Variants in PDE1C observed in about 807,000 individuals in gnomAD.
PDE1C encodes dual specificity calcium/calmodulin-dependent 3',5'-cyclic nucleotide phosphodiesterase 1C.
PDE1C carries 62 observed loss-of-function variants against 93.1 expected under a neutral mutation model. That is an observed-to-expected ratio of 0.67 (90% CI 0.54 to 0.82). PDE1C has a LOEUF of 0.82. PDE1C is among the 40% of genes least tolerant of loss of function. The pLI, the probability that PDE1C is intolerant of heterozygous loss-of-function variation, is 0.00. For synonymous variants in PDE1C, 325 were observed against 310.1 expected (o/e 1.05, Z -0.50); for missense variants, 742 against 884.6 (o/e 0.84, Z 2.04).
chr7:31,852,309 G>A (rs1029678182), intron 7 of PDE1C, among the ~76,000 whole-genome samples: 1 of 152,134 alleles, frequency 6.6e-6, no homozygotes. Context: ...TGAAATGTCA[G>A]GAAGCTTTCT....
intron 2 of PDE1C, among the ~76,000 whole-genome samples, chr7:31,883,851 A>G (rs1470862217): frequency 6.6e-6 from 1 of 152,258 alleles, no homozygotes; most frequent in Non-Finnish European, 1.5e-5. Flanking sequence ...AAAATCAGCC[A>G]TTCAGAGGCT....
chr7:32,109,076 A>T (rs1387395546), intron 3 of PDE1C, among the ~76,000 whole-genome samples: 2 of 152,206 alleles, frequency 1.3e-5, no homozygotes, highest in African/African-American at 2.4e-5. Context: ...GAAGCTCGGC[A>T]TTCAGGTACA....
At chr7:32,289,623 A>C (rs1400558514) in intron 1 of PDE1C, among the ~76,000 whole-genome samples, 1 of 152,198 alleles carries the variant, frequency 6.6e-6, no homozygotes, top group African/African-American at 2.4e-5. Context: ...AAACCAAAAA[A>C]AAAATTAAGC....
the PDE1C span, among the ~76,000 whole-genome samples, chr7:31,693,828 A>AGAGAAGGG: frequency 6.6e-6 from 1 of 152,238 alleles, no homozygotes; most frequent in Non-Finnish European, 1.5e-5. Flanking sequence ...AGAGAGAAGG[A>AGAGAAGGG]AGAGAAGGAA....
chr7:31,669,895 AC>A, the PDE1C span, among the ~76,000 whole-genome samples: 1 of 152,282 alleles, frequency 6.6e-6, no homozygotes, highest in Admixed American at 6.5e-5. Context: ...TCTAACCCCT[AC>A]CCTTTGAGTT....
upstream of PDE1C, among the ~76,000 whole-genome samples, chr7:32,075,719 G>A (rs563822551): frequency 7.9e-5 from 12 of 152,268 alleles, no homozygotes; most frequent in South Asian, 2.3e-3. Flanking sequence ...CCAGAGAAGT[G>A]AGAAGACAAA....
chr7:32,040,865 C>G (rs975254565), intron 2 of PDE1C, among the ~76,000 whole-genome samples: 2 of 152,082 alleles, frequency 1.3e-5, no homozygotes, highest in Non-Finnish European at 2.9e-5. Flanking sequence ...TCTTTAAGTC[C>G]TATTCCATGT....
At chr7:31,894,499 T>G (rs944202298) in intron 2 of PDE1C, among the ~76,000 whole-genome samples, 1 of 152,262 alleles carries the variant, frequency 6.6e-6, no homozygotes, top group Admixed American at 6.5e-5. Context: ...TATGGCTCCA[T>G]GAACCATCTG....
chr7:31,878,447 G>T (rs1796860813), intron 4 of PDE1C, among the ~76,000 whole-genome samples: 1 of 152,142 alleles, frequency 6.6e-6, no homozygotes, highest in Non-Finnish European at 1.5e-5. Context: ...AAGGAAAAAT[G>T]TCCCAGGTAA....
chr7:32,085,530 G>C (rs1249792144), intron 3 of PDE1C, among the ~76,000 whole-genome samples: 1 of 148,786 alleles, frequency 6.7e-6, no homozygotes, highest in Non-Finnish European at 1.5e-5. Context: ...TGATACCAAA[G>C]CCAGTCAGAG....
chr7:31,882,532 C>G (rs367603281), intron 2 of PDE1C, among the ~76,000 whole-genome samples: 1 of 152,142 alleles, frequency 6.6e-6, no homozygotes, highest in African/African-American at 2.4e-5. Context: ...CCAGCTATCC[C>G]CTAGGCTGTT....
At chr7:32,417,369 A>G (rs1265708537) in intron 1 of PDE1C, among the ~76,000 whole-genome samples, 1 of 151,924 alleles carries the variant, frequency 6.6e-6, no homozygotes, top group African/African-American at 2.4e-5. Context: ...ATAAAATCTC[A>G]CATGTCTAAT....
intron 1 of PDE1C, among the ~76,000 whole-genome samples, chr7:32,258,523 C>A (rs990969109): frequency 1.3e-5 from 2 of 152,182 alleles, no homozygotes; most frequent in Non-Finnish European, 2.9e-5. Context: ...AGGGCAAGGG[C>A]ACGCCCTGCC....
chr7:31,939,216 G>C (rs973164812), intron 2 of PDE1C, among the ~76,000 whole-genome samples: 2 of 151,430 alleles, frequency 1.3e-5, no homozygotes, highest in Non-Finnish European at 2.9e-5. Flanking sequence ...CAGAGAGAGA[G>C]ACAGAAGAAG....
chr7:32,107,746 G>A (rs1487148318), intron 3 of PDE1C, among the ~76,000 whole-genome samples: 3 of 151,988 alleles, frequency 2.0e-5, no homozygotes, highest in East Asian at 1.9e-4. Context: ...AAATGAAGAC[G>A]AGATAAAATC....
chr7:32,175,945 C>T (rs1013480286), intron 2 of PDE1C, among the ~76,000 whole-genome samples: 2 of 152,170 alleles, frequency 1.3e-5, no homozygotes, highest in Non-Finnish European at 1.5e-5. Context: ...CATTTCACAT[C>T]CATTAAGTAA....
At chr7:32,071,455 G>A, upstream of PDE1C, 1 of 980,992 alleles carries the variant, frequency 1.0e-6, no homozygotes, top group Non-Finnish European at 1.2e-6. Context: ...TCTCTCGCTC[G>A]CGCTCTCTCT....
chr7:32,196,672 G>T (rs1804644058), intron 2 of PDE1C, among the ~76,000 whole-genome samples: 1 of 152,152 alleles, frequency 6.6e-6, no homozygotes, highest in Non-Finnish European at 1.5e-5. Context: ...GAATGACATG[G>T]TCAGATTTAT....
At chr7:31,819,714 T>G (rs971924760) in intron 14 of PDE1C, among the ~76,000 whole-genome samples, 1 of 152,126 alleles carries the variant, frequency 6.6e-6, no homozygotes, top group Non-Finnish European at 1.5e-5. Flanking sequence ...CGTACAGTTT[T>G]GGGGAAATAC....
Sources: gnomAD v4.1 joint callset for allele counts (sites outside exome capture counted in the v4.1 genomes callset) on GRCh38, gnomAD v4.1.1 for gene constraint, MANE v1.5 for transcripts, NCBI Gene and HGNC (gene_info 2026-07-23, HGNC 2026-07-21) for gene names.